UPF2: variants seen among roughly 807,000 people sequenced by gnomAD.
The protein encoded by UPF2 is UPF2 regulator of nonsense mediated mRNA decay, also known as regulator of nonsense transcripts 2.
In UPF2, 17 loss-of-function variants were observed where a neutral mutation model predicts 141.4. The observed-to-expected ratio is 0.12, with a 90% confidence interval of 0.08 to 0.18. UPF2 has a LOEUF of 0.18. Among genes scored for constraint, UPF2 ranks in the 10% least tolerant of loss-of-function variants. The pLI, the probability that UPF2 is intolerant of heterozygous loss-of-function variation, is 1.00. For missense variants in UPF2, 1,152 were observed against 1,515.9 expected, an observed-to-expected ratio of 0.76 and a Z score of 3.99; for synonymous variants, 540 against 498.0, an observed-to-expected ratio of 1.08 and a Z score of -1.12.
rs1832624896 is a variant in UPF2 at position 11,920,349 on chromosome 10, AAAAAAACAAAAC to A, written c.*937_*948del. 1.3e-5 allele frequency: 2 copies of A among 152,198 alleles called. No homozygotes were observed. Among genetic ancestry groups the A allele is most frequent in the African/African-American group, 4.8e-5 (2 of 41,428 alleles). The allele number at this position is 152,198 out of a possible 1,614,324, so 9.4% of individuals were successfully genotyped here. On this transcript the variant is annotated 3_prime_UTR_variant, in exon 22 of 22. Coordinates refer to ENST00000357604, the MANE Select transcript of UPF2 (RefSeq NM_015542.4). ...TTCTATTTAGTGGGGGAAAACAAAA[AAAAAAACAAAAC>A]AAAAACAAAAGCAAAATAAAAGCTC... is the stretch of plus-strand genomic sequence containing the variant.
intron 4 of UPF2, among the ~76,000 whole-genome samples, chr10:12,008,457 T>C (rs1439614577): frequency 1.3e-5 from 2 of 151,396 alleles, no homozygotes; most frequent in South Asian, 2.1e-4. Context: ...AGTGAAACCC[T>C]ATCTCTACTA....
chr10:12,004,591 G>A lies in UPF2; in HGVS notation c.1443C>T (p.Ile481=). The A allele has an allele frequency of 1.2e-6, 2 of 1,613,626 alleles. No individual in the cohort carries two copies. Among genetic ancestry groups the A allele is most frequent in the South Asian group, 2.2e-5 (2 of 91,054 alleles). The change falls in exon 5 of 22, where the codon ATC becomes ATT. Residue 481 remains isoleucine, a synonymous_variant. Transcript: ENST00000357604. ...LIDLKAFVPA[I]LFKDNEKSCQ... ...AACTTTTTTCATTGTCTTTAAACAAGATGGCTGGGACAAAAGCCTTCAAAT... is the reference window on the plus strand; with the variant it reads ...AACTTTTTTCATTGTCTTTAAACAAAATGGCTGGGACAAAAGCCTTCAAAT...
In UPF2 at chr10:11,980,506, G is replaced by A. The variant is rs1833574234; in HGVS notation, c.1845-1341C>T. Among the ~76,000 whole-genome samples, 1 of 152,084 alleles carries A rather than the reference G, an allele frequency of 6.6e-6. No individual in the cohort carries two copies. The highest frequency in any genetic ancestry group is 2.1e-4 in the South Asian group (1 of 4,816). ...CACATCTGTAATCCCAGCACTTTGG[G>A]AGGCTGAGGCAGGCAGATCACCTGG... On this transcript the variant is annotated intron_variant, in intron 8 of 21. Coordinates refer to ENST00000357604, the MANE Select transcript of UPF2 (RefSeq NM_015542.4). This position sits in a 1 kb window ranked among gnomAD's most constrained non-coding sequence, Gnocchi z 4.2.
At chr10:12,026,123 T>C (rs1049063599) in intron 3 of UPF2, among the ~76,000 whole-genome samples, 4 of 152,112 alleles carry the variant, frequency 2.6e-5, no homozygotes, top group Non-Finnish European at 4.4e-5. Context: ...ATGTAATCAA[T>C]ATCCAAAGCT....
chr10:11,929,838 C>T, intron 21 of UPF2, 27 bp downstream of exon 21: 1 of 1,611,740 alleles, frequency 6.2e-7, no homozygotes, highest in Non-Finnish European at 8.5e-7. Flanking sequence ...AAACAAACAG[C>T]TAAGGAAGGA....
intron 16 of UPF2, 70 bp downstream of exon 16, chr10:11,948,299 A>C: frequency 6.9e-7 from 1 of 1,444,330 alleles, no homozygotes; most frequent in Non-Finnish European, 9.1e-7. Flanking sequence ...TATTAAAAAA[A>C]TTTTGGCTCA....
chr10:11,922,773 A>G (rs934129864), intron 21 of UPF2, among the ~76,000 whole-genome samples: 12 of 151,188 alleles, frequency 7.9e-5, no homozygotes, highest in African/African-American at 2.9e-4. Context: ...ACATAAAGAT[A>G]TATAAAAAAA....
intron 4 of UPF2, among the ~76,000 whole-genome samples, chr10:12,011,022 C>A (rs2131280738): frequency 6.6e-6 from 1 of 152,194 alleles, no homozygotes; most frequent in East Asian, 1.9e-4. Context: ...CACTCTATCA[C>A]CCAGGCTGGA....
At chr10:12,036,389 T>G (rs1381503407) in intron 1 of UPF2, among the ~76,000 whole-genome samples, 2 of 152,230 alleles carry the variant, frequency 1.3e-5, no homozygotes, top group Admixed American at 1.3e-4. Flanking sequence ...ATGTGGTTAC[T>G]TAAATGTAAA....
At position 11,999,023 on chromosome 10, in the gene UPF2, C is replaced by CAA. The variant is rs567447054; in HGVS notation, c.1758+881_1758+882dup. Reference sequence around the variant, plus strand: ...CCGGGCAACAGAGCAAGACTCCACTCAAAAAAAAAAAAAAAAACTCATTTG... The same window carrying CAA: ...CCGGGCAACAGAGCAAGACTCCACTCAAAAAAAAAAAAAAAAAAACTCATTTG... On this transcript the variant is annotated intron_variant, in intron 7 of 21. Transcript: ENST00000357604. 1.8e-3 allele frequency among the ~76,000 whole-genome samples: 204 copies of CAA among 113,300 alleles called. 1 individual carries two copies. Among genetic ancestry groups the CAA allele is most frequent in the South Asian group, 8.5e-3 (28 of 3,302 alleles). 74.3% of individuals were successfully genotyped at this position (113,300 alleles called of 152,430 possible).
chr10:11,943,016 T>C (rs371623214), intron 17 of UPF2, 48 bp downstream of exon 17: 10 of 1,382,642 alleles, frequency 7.2e-6, no homozygotes, highest in Middle Eastern at 1.8e-4. Flanking sequence ...TCAAATACTA[T>C]AAAAATGCTG....
rs768091847 is a variant in UPF2, at chr10:12,028,927, T to C, written c.963A>G (p.Gly321=). ...CACTCTTTACTTTCCTTGGTACAAG[T>C]CCAGCAATATCATCTCCACAATGTC... The part of the protein sequence containing the change: ...FCRHCGDDIA[G]LVPRKVKSAA... Residue 321 remains glycine (G), a synonymous_variant, in exon 3 of 22, where the codon GGA becomes GGG. Transcript: ENST00000357604. The C allele has an allele frequency of 1.2e-6, 2 of 1,614,054 alleles. No individual in the cohort carries two copies. The highest frequency in any genetic ancestry group is 2.7e-5 in the African/African-American group (2 of 74,918).
intron 10 of UPF2, 128 bp downstream of exon 10, chr10:11,967,213 T>G: frequency 1.9e-6 from 1 of 533,146 alleles, no homozygotes; most frequent in Non-Finnish European, 3.1e-6. Context: ...TTGTTTAACG[T>G]TACTTTTTCT....
At chr10:11,948,985 T>C (rs1833040365) in intron 15 of UPF2, among the ~76,000 whole-genome samples, 1 of 152,234 alleles carries the variant, frequency 6.6e-6, no homozygotes, top group African/African-American at 2.4e-5. Flanking sequence ...TTTGAATGTA[T>C]GCAAATTAAG....
rs544057232 is a variant in UPF2, at chr10:11,939,717, A to G, written c.3378+2948T>C. On this transcript the variant is annotated intron_variant, in intron 18 of 21. Transcript: ENST00000357604. The surrounding 1 kb of genome is among the most constrained non-coding windows in gnomAD (Gnocchi z 4.8). ...TTTTTAGTAGAGACAGGGTTTCACC[A>G]TGTTGGCCAGGCTGGTCTTGAACTC... is the stretch of plus-strand genomic sequence containing the variant. Among the ~76,000 whole-genome samples, 4 of 151,838 alleles carry G rather than the reference A, an allele frequency of 2.6e-5. No individual in the cohort carries two copies. Among genetic ancestry groups the G allele is most frequent in the Non-Finnish European group, 5.9e-5 (4 of 67,956 alleles).
intron 8 of UPF2, among the ~76,000 whole-genome samples, chr10:11,986,118 T>C (rs1417826629): frequency 2.0e-5 from 3 of 151,740 alleles, no homozygotes; most frequent in Non-Finnish European, 4.4e-5. Context: ...TCTCCTGACC[T>C]TGTGATCCGC....
At chr10:11,972,476 G>A (rs1216170758) in intron 9 of UPF2, among the ~76,000 whole-genome samples, 1 of 152,112 alleles carries the variant, frequency 6.6e-6, no homozygotes, top group Non-Finnish European at 1.5e-5. Context: ...TTGGTGTGCT[G>A]CACCCGTTAA....
intron 3 of UPF2, among the ~76,000 whole-genome samples, chr10:12,015,320 T>A (rs1018071704): frequency 2.6e-5 from 4 of 152,234 alleles, no homozygotes; most frequent in Non-Finnish European, 4.4e-5. Context: ...AAATAATGCC[T>A]ATACTTATTC....
At chr10:11,925,986 C>T (rs1832708223) in intron 21 of UPF2, among the ~76,000 whole-genome samples, 2 of 152,076 alleles carry the variant, frequency 1.3e-5, no homozygotes, top group Admixed American at 6.5e-5. Context: ...GGGTCTATAG[C>T]GGGAGAATGA....
Sources: gnomAD v4.1 joint callset for allele counts (sites outside exome capture counted in the v4.1 genomes callset) on GRCh38, gnomAD v4.1.1 for gene constraint, Gnocchi (gnomAD v3.1) non-coding constraint, MANE v1.5 for transcripts, NCBI Gene and HGNC (gene_info 2026-07-23, HGNC 2026-07-21) for gene names.